PDZRN3: variants seen among roughly 807,000 people sequenced by gnomAD.
PDZRN3 encodes the protein E3 ubiquitin-protein ligase PDZRN3.
Under a neutral mutation model 85.7 loss-of-function variants are expected in PDZRN3, and 38 were observed. That is an observed-to-expected ratio of 0.44 (90% confidence interval 0.34 to 0.58). The LOEUF (loss-of-function observed/expected upper bound fraction) is 0.58. PDZRN3 is among the 20% of genes least tolerant of loss of function. The pLI, the probability that PDZRN3 is intolerant of heterozygous loss-of-function variation, is 0.01. For synonymous variants in PDZRN3, 759 were observed against 638.0 expected, an observed-to-expected ratio of 1.19 and a Z score of -2.86; for missense variants, 1,629 against 1,506.4, an observed-to-expected ratio of 1.08 and a Z score of -1.35.
In PDZRN3 at chr3:73,614,366, G is replaced by C. The variant is rs114291490; in HGVS notation, c.724-5682C>G. 6.7e-3 allele frequency among the ~76,000 whole-genome samples: 1,014 copies of C among 152,244 alleles called. 9 individuals carry two copies. Among genetic ancestry groups the C allele is most frequent in the Non-Finnish European group, 8.9e-3 (606 of 68,018 alleles). ...CAAACCATCCAGCCTCAAAAGCTTG[G>C]ACACAAGACATCTCCTAATGAGTGT... On this transcript the variant is annotated intron_variant, in intron 1 of 9. Transcript: ENST00000263666.
chr3:73,472,766 A>G (rs1272762874), intron 3 of PDZRN3, among the ~76,000 whole-genome samples: 1 of 152,216 alleles, frequency 6.6e-6, no homozygotes, highest in East Asian at 1.9e-4. Flanking sequence ...GCTGAGAAAA[A>G]CAAATTATGG....
At chr3:73,410,439 T>C (rs932121571) in intron 3 of PDZRN3, among the ~76,000 whole-genome samples, 1 of 152,218 alleles carries the variant, frequency 6.6e-6, no homozygotes, top group African/African-American at 2.4e-5. Flanking sequence ...TATGGATGTG[T>C]TGGGTTCTAG....
At chr3:73,572,696 C>G (rs1426760539) in intron 3 of PDZRN3, among the ~76,000 whole-genome samples, 1 of 152,148 alleles carries the variant, frequency 6.6e-6, no homozygotes, top group Non-Finnish European at 1.5e-5. Context: ...GAGACAGCAA[C>G]AAATCAGATA....
intron 3 of PDZRN3, among the ~76,000 whole-genome samples, chr3:73,456,283 G>A (rs1408678953): frequency 1.3e-5 from 2 of 152,052 alleles, no homozygotes; most frequent in Non-Finnish European, 2.9e-5. Flanking sequence ...AAGGTCAGAT[G>A]GTGAAACTTT....
intron 3 of PDZRN3, among the ~76,000 whole-genome samples, chr3:73,415,376 T>G (rs186969183): frequency 6.6e-6 from 1 of 152,228 alleles, no homozygotes; most frequent in African/African-American, 2.4e-5. Flanking sequence ...GCGTTAAGCC[T>G]GGAAGCATGG....
intron 5 of PDZRN3, 75 bp downstream of exon 5, chr3:73,400,847 G>A: frequency 9.6e-7 from 1 of 1,038,850 alleles, no homozygotes; most frequent in Non-Finnish European, 1.5e-6. Flanking sequence ...ACTAATTTAT[G>A]CTTATAGAGA....
At chr3:73,458,013 C>T (rs916960957) in intron 3 of PDZRN3, among the ~76,000 whole-genome samples, 4 of 152,214 alleles carry the variant, frequency 2.6e-5, no homozygotes, top group African/African-American at 9.6e-5. Context: ...GAGGCAGCAG[C>T]AGTTCTACCA....
chr3:73,582,724 G>A (rs1009991716), intron 3 of PDZRN3, among the ~76,000 whole-genome samples: 10 of 152,186 alleles, frequency 6.6e-5, no homozygotes, highest in African/African-American at 2.4e-4. Context: ...GGTCAGCTGT[G>A]TGACCTCTGA....
chr3:73,518,173 A>G (rs1470921116), intron 3 of PDZRN3, among the ~76,000 whole-genome samples: 4 of 152,246 alleles, frequency 2.6e-5, no homozygotes, highest in African/African-American at 7.2e-5. Flanking sequence ...ATTTAGCCTT[A>G]AAAAGAAAGG....
At chr3:73,623,997 G>C in intron 1 of PDZRN3, 106 bp downstream of exon 1, 1 of 1,122,702 alleles carries the variant, frequency 8.9e-7, no homozygotes, top group Non-Finnish European at 1.2e-6. Context: ...AGGAAGCAAG[G>C]ATGTTCCCGG....
At chr3:73,537,145 G>A (rs116722914) in intron 3 of PDZRN3, among the ~76,000 whole-genome samples, 1,876 of 152,238 alleles carry the variant, frequency 0.012, 37 homozygotes, top group African/African-American at 0.043. Context: ...CCAACAGAAT[G>A]TGAGCAGATG....
chr3:73,391,459 C>T (rs1388969787), intron 5 of PDZRN3, among the ~76,000 whole-genome samples: 1 of 152,126 alleles, frequency 6.6e-6, no homozygotes, highest in Non-Finnish European at 1.5e-5. Context: ...ATTTCCATAC[C>T]CCAAACCACC....
rs528414868 is a variant in PDZRN3 at position 73,624,230 on chromosome 3, A to C, written c.596T>G (p.Val199Gly). Residue 199 changes from valine to glycine, a missense_variant, in exon 1 of 10, where the codon GTG (valine) becomes GGG (glycine). Coordinates refer to ENST00000263666, the MANE Select transcript of PDZRN3 (RefSeq NM_015009.3). The stretch of plus-strand genomic sequence containing the variant: ...AAGCTGCGCCGCGGCCAGCTGGGCC[A>C]CCAGCGACTTCTCGCGCTTCCCAGC... ...LRAGKREKSL[V>G]AQLAAAQLEL... 2.3e-5 allele frequency: 34 copies of C among 1,479,280 alleles called. No homozygotes were observed. The East Asian group carries it at 9.6e-4, about 42-fold the overall frequency. 91.6% of individuals were successfully genotyped at this position (1,479,280 alleles called of 1,614,324 possible). A position where few individuals can be genotyped will look rare whatever the true frequency, so the allele number is the denominator to read the frequency against.
chr3:73,407,306 G>C (rs1470526392), intron 3 of PDZRN3, among the ~76,000 whole-genome samples: 1 of 152,098 alleles, frequency 6.6e-6, no homozygotes, highest in Non-Finnish European at 1.5e-5. Flanking sequence ...GTGGGGAGCT[G>C]GCCTCAGAGG....
chr3:73,499,985 G>A (rs772409809), intron 3 of PDZRN3, among the ~76,000 whole-genome samples: 19 of 152,140 alleles, frequency 1.2e-4, no homozygotes, highest in Non-Finnish European at 1.8e-4. Flanking sequence ...GCTATTTAGT[G>A]TTGAGGATTT....
chr3:73,439,930 G>T (rs932641595), intron 3 of PDZRN3, among the ~76,000 whole-genome samples: 1 of 136,772 alleles, frequency 7.3e-6, no homozygotes, highest in Admixed American at 6.7e-5. Context: ...GTAGAGTTGG[G>T]GTTCACCATA....
At chr3:73,586,767 GATGAA>G (rs1702284368) in intron 3 of PDZRN3, among the ~76,000 whole-genome samples, 1 of 152,160 alleles carries the variant, frequency 6.6e-6, no homozygotes, top group African/African-American at 2.4e-5. Context: ...CTCAACTGGA[GATGAA>G]ATTACCCTGC....
chr3:73,520,411 G>A (rs1704336980), intron 3 of PDZRN3, among the ~76,000 whole-genome samples: 1 of 152,172 alleles, frequency 6.6e-6, no homozygotes, highest in African/African-American at 2.4e-5. Flanking sequence ...GGCTGAGGCA[G>A]GAGGAACGCT....
intron 3 of PDZRN3, among the ~76,000 whole-genome samples, chr3:73,528,611 ACT>A (rs1243761821): frequency 1.3e-5 from 2 of 152,102 alleles, no homozygotes; most frequent in Non-Finnish European, 2.9e-5. Context: ...GCTATTCTTC[ACT>A]CTATTTCCAG....
Sources: allele counts gnomAD v4.1 joint callset (sites outside exome capture counted in the v4.1 genomes callset), GRCh38; gene constraint gnomAD v4.1.1; transcripts MANE v1.5; gene names NCBI Gene and HGNC (gene_info 2026-07-23, HGNC 2026-07-21).